The following SLC17A5 variants were observed in gnomAD, a reference collection of about 807,000 sequenced individuals.
SLC17A5 encodes sialin.
SLC17A5 carries 47 observed loss-of-function variants against 59.4 expected under a neutral mutation model. The observed-to-expected ratio is 0.79, with a 90% CI of 0.63 to 1.01. The LOEUF (loss-of-function observed/expected upper bound fraction) is 1.01, where lower values mean the gene tolerates loss of function less well. Among genes scored for constraint, SLC17A5 ranks in the 50% least tolerant of loss-of-function variants. The pLI is 0.00. For missense variants in SLC17A5, 522 were observed against 595.5 expected (o/e 0.88, Z 1.28); for synonymous variants, 202 against 210.7 (o/e 0.96, Z 0.36).
At chr6:73,653,532 G>A (rs1265146042) in intron 1 of SLC17A5, 1 of 812,630 alleles carries the variant, frequency 1.2e-6, no homozygotes, top group Non-Finnish European at 1.4e-6. Flanking sequence ...GCCCCCGCCC[G>A]GTGGGGCTGC....
At chr6:73,645,270 C>A (rs928972772) in intron 1 of SLC17A5, 1 of 966,618 alleles carries the variant, frequency 1.0e-6, no homozygotes, top group African/African-American at 1.8e-5. Context: ...CATGAAATTT[C>A]TCTTGATAAA....
Position 73,597,298 on chromosome 6 carries a change from T to C in SLC17A5, c.1351-2084A>G, listed in dbSNP as rs1431326216. 2.7e-5 allele frequency among the ~76,000 whole-genome samples: 4 copies of C among 145,730 alleles called. No individual in the cohort carries two copies. The Admixed American group carries it at 2.8e-4, about 10-fold the overall frequency. ...CTGGCTAACAAGGTGAAACCCCGTC[T>C]CTACTAAAAAGACAAAAAATTAGCC... On this transcript the variant is annotated intron_variant, in intron 10 of 10. Coordinates refer to ENST00000355773, the MANE Select transcript of SLC17A5 (RefSeq NM_012434.5).
chr6:73,596,273 A>T (rs1253172215), intron 10 of SLC17A5, among the ~76,000 whole-genome samples: 1 of 152,176 alleles, frequency 6.6e-6, no homozygotes, highest in African/African-American at 2.4e-5. Flanking sequence ...CTCAGGTGAA[A>T]GGTGTCAGGT....
At chr6:73,634,549 G>A (rs1768911946) in intron 6 of SLC17A5, among the ~76,000 whole-genome samples, 1 of 152,158 alleles carries the variant, frequency 6.6e-6, no homozygotes, top group Non-Finnish European at 1.5e-5. Flanking sequence ...ACAGGTGTGT[G>A]CCACCATGCC....
At chr6:73,606,930 T>C (rs1767416147) in intron 9 of SLC17A5, among the ~76,000 whole-genome samples, 1 of 152,236 alleles carries the variant, frequency 6.6e-6, no homozygotes, top group African/African-American at 2.4e-5. Context: ...ATTTTCTTTA[T>C]TCTATTAGGC....
At chr6:73,651,427 C>T (rs1168865376) in intron 1 of SLC17A5, among the ~76,000 whole-genome samples, 1 of 122,866 alleles carries the variant, frequency 8.1e-6, no homozygotes, top group African/African-American at 3.2e-5. Context: ...CACCACTGCA[C>T]TCCAGCCTGG....
Position 73,610,479 on chromosome 6 carries a change from C to CA in SLC17A5, c.1179dup (p.Ala394CysfsTer18). The CA allele has an allele frequency of 6.2e-7, 1 of 1,614,106 alleles. No homozygotes were observed. The highest frequency in any genetic ancestry group is 8.5e-7 in the Non-Finnish European group (1 of 1,180,034). ...AGTGTTGTTGATATAGTTAGGAAAG[C>CA]AACGGCCAAAGAATAATCACAGCCA... On this transcript the variant is annotated frameshift_variant, in exon 9 of 11. Transcript: ENST00000355773. LOFTEE classifies it high-confidence loss of function.
intron 7 of SLC17A5, among the ~76,000 whole-genome samples, chr6:73,621,208 T>C (rs993614192): frequency 1.3e-5 from 2 of 151,934 alleles, no homozygotes; most frequent in Non-Finnish European, 2.9e-5. Flanking sequence ...TTTCTCCATA[T>C]TTGTCAGGCT....
intron 10 of SLC17A5, among the ~76,000 whole-genome samples, chr6:73,599,961 A>T (rs1766981746): frequency 6.6e-6 from 1 of 151,950 alleles, no homozygotes; most frequent in Admixed American, 6.6e-5. Flanking sequence ...CACACCGGCT[A>T]ATTTTTGTAT....
At chr6:73,603,379 A>G (rs1187085812) in intron 9 of SLC17A5, among the ~76,000 whole-genome samples, 1 of 149,872 alleles carries the variant, frequency 6.7e-6, no homozygotes, top group African/African-American at 2.5e-5. Flanking sequence ...GGCGTGAGCC[A>G]CTGCACCTGG....
chr6:73,616,546 T>TACACACACACAC (rs56306141), intron 7 of SLC17A5, among the ~76,000 whole-genome samples: 36 of 126,336 alleles, frequency 2.8e-4, no homozygotes, highest in African/African-American at 1.2e-3. Flanking sequence ...GTTTATTTAC[T>TACACACACACAC]ACACACACAC....
chr6:73,642,061 T>C, intron 2 of SLC17A5, 137 bp from the exon 3 acceptor site: 1 of 742,892 alleles, frequency 1.3e-6, no homozygotes, highest in South Asian at 1.5e-5. Flanking sequence ...AACTTTCTAG[T>C]AGGTGGGTGA....
In SLC17A5 at chr6:73,653,113, A is replaced by G. The variant is rs77876662; in HGVS notation, c.94+680T>C. The G allele has an allele frequency of 7.6e-3, 7,454 of 985,390 alleles. 400 individuals are homozygous for G. The African/African-American group carries it at 0.12, about 15-fold the overall frequency. The allele number at this position is 985,390 out of a possible 1,614,324, so 61.0% of individuals were successfully genotyped here. On this transcript the variant is annotated intron_variant, in intron 1 of 10. Transcript: ENST00000355773. ...AACCTTTTCCTAACTTAAATCATAG[A>G]CTGCCAGACGGAAAAAAAATGTCCT... is the stretch of plus-strand genomic sequence containing the variant.
intron 2 of SLC17A5, among the ~76,000 whole-genome samples, chr6:73,642,154 T>C (rs1258668970): frequency 6.6e-6 from 1 of 152,248 alleles, no homozygotes; most frequent in African/African-American, 2.4e-5. Flanking sequence ...CTTGCAATTT[T>C]ATAAAACTAG....
At chr6:73,596,614 T>C (rs1766811349) in intron 10 of SLC17A5, among the ~76,000 whole-genome samples, 1 of 151,780 alleles carries the variant, frequency 6.6e-6, no homozygotes, top group Admixed American at 6.6e-5. Context: ...CCCAGCACTT[T>C]GGGAGGCCGA....
rs568950764 is a variant in SLC17A5, at chr6:73,634,768, T to G, written c.819+614A>C. On this transcript the variant is annotated intron_variant, in intron 6 of 10. Transcript: ENST00000355773. Reference sequence around the variant, plus strand: ...CTCCAATGAGCATTTCCTTTGAGCATCATGTGGGTTCTCAAAAACTTTTGG... The same window carrying G: ...CTCCAATGAGCATTTCCTTTGAGCAGCATGTGGGTTCTCAAAAACTTTTGG... Among the ~76,000 whole-genome samples, 102 of 152,306 alleles carry G rather than the reference T, an allele frequency of 6.7e-4. 2 individuals are homozygous for G. The South Asian group carries it at 0.02, about 30-fold the overall frequency.
At chr6:73,605,894 T>C (rs1450228203) in intron 9 of SLC17A5, among the ~76,000 whole-genome samples, 1 of 151,944 alleles carries the variant, frequency 6.6e-6, no homozygotes, top group African/African-American at 2.4e-5. Context: ...GGAGAATCAC[T>C]TGAACCCAAG....
At chr6:73,607,589 G>A (rs901654594) in intron 9 of SLC17A5, among the ~76,000 whole-genome samples, 2 of 151,912 alleles carry the variant, frequency 1.3e-5, no homozygotes, top group Non-Finnish European at 1.5e-5. Flanking sequence ...ATTTTTATCC[G>A]ATGATCCAAT....
At chr6:73,596,312 T>C (rs1766797274) in intron 10 of SLC17A5, among the ~76,000 whole-genome samples, 1 of 152,090 alleles carries the variant, frequency 6.6e-6, no homozygotes, top group Non-Finnish European at 1.5e-5. Context: ...TAAGATGAAC[T>C]CAAGTTCAGC....
Sources: allele counts gnomAD v4.1 joint callset (sites outside exome capture counted in the v4.1 genomes callset), GRCh38; gene constraint gnomAD v4.1.1; transcripts MANE v1.5; gene names NCBI Gene and HGNC (gene_info 2026-07-23, HGNC 2026-07-21).